The following SLC17A5 variants were observed in gnomAD, a reference collection of about 807,000 sequenced individuals.
SLC17A5 encodes the protein sialin.
In SLC17A5, 47 loss-of-function variants were observed where a neutral mutation model predicts 59.4. That is an observed-to-expected ratio of 0.79 (90% CI 0.63 to 1.01). SLC17A5 has a LOEUF of 1.01. Ranked by LOEUF, SLC17A5 falls within the 50% of genes least tolerant of loss-of-function variation. The pLI, the probability that SLC17A5 is intolerant of heterozygous loss-of-function variation, is 0.00. For missense variants in SLC17A5, 522 were observed against 595.5 expected (o/e 0.88, Z 1.28); for synonymous variants, 202 against 210.7 (o/e 0.96, Z 0.36).
intron 2 of SLC17A5, among the ~76,000 whole-genome samples, chr6:73,643,735 C>A (rs1239086718): frequency 2.6e-5 from 4 of 152,170 alleles, no homozygotes; most frequent in Admixed American, 2.0e-4. Context: ...CCTCAGCCTC[C>A]TAAAGTGCTG....
At chr6:73,626,077 G>A (rs2150103852) in intron 6 of SLC17A5, among the ~76,000 whole-genome samples, 1 of 152,290 alleles carries the variant, frequency 6.6e-6, no homozygotes, top group African/African-American at 2.4e-5. Context: ...AAGTGTAAAT[G>A]TATTTGATCT....
intron 6 of SLC17A5, among the ~76,000 whole-genome samples, chr6:73,630,804 C>T (rs72951364): frequency 0.017 from 2,641 of 152,078 alleles, 46 homozygotes; most frequent in Admixed American, 0.04. Flanking sequence ...ACAAGCACTT[C>T]GGGAGATGAA....
intron 9 of SLC17A5, among the ~76,000 whole-genome samples, 155 bp from the exon 10 acceptor site, chr6:73,600,596 C>T (rs562599333): frequency 4.6e-5 from 7 of 151,402 alleles, no homozygotes; most frequent in African/African-American, 1.7e-4. Context: ...GCAGCCTCTG[C>T]CTCCCGGGTT....
intron 1 of SLC17A5, among the ~76,000 whole-genome samples, chr6:73,650,197 C>CAAAA (rs756204732): frequency 1.5e-4 from 6 of 39,036 alleles, no homozygotes; most frequent in African/African-American, 3.1e-4. Context: ...CTTTTTTCTA[C>CAAAA]AAAAAAAAAA....
intron 9 of SLC17A5, among the ~76,000 whole-genome samples, 178 bp downstream of exon 9, chr6:73,610,222 T>C (rs1366540154): frequency 1.3e-5 from 2 of 152,098 alleles, no homozygotes; most frequent in African/African-American, 2.4e-5. Context: ...TTAGTAGAGA[T>C]AGGGCTTCGC....
intron 8 of SLC17A5, among the ~76,000 whole-genome samples, chr6:73,610,980 C>T (rs1412524660): frequency 6.6e-6 from 1 of 152,202 alleles, no homozygotes; most frequent in Non-Finnish European, 1.5e-5. Context: ...TGGCAGCTCA[C>T]ACCTGTAATC....
intron 6 of SLC17A5, among the ~76,000 whole-genome samples, chr6:73,623,633 G>A (rs952722325): frequency 1.3e-5 from 2 of 150,500 alleles, no homozygotes; most frequent in Middle Eastern, 3.6e-3. Flanking sequence ...TGCCCCCAGC[G>A]TAAGTGATTT....
At chr6:73,605,610 A>G (rs2150082507) in intron 9 of SLC17A5, among the ~76,000 whole-genome samples, 1 of 151,004 alleles carries the variant, frequency 6.6e-6, no homozygotes, top group East Asian at 2.0e-4. Context: ...TTATCCTTTG[A>G]GCTAGAACTG....
At chr6:73,624,446 G>C (rs1768307833) in intron 6 of SLC17A5, among the ~76,000 whole-genome samples, 1 of 152,092 alleles carries the variant, frequency 6.6e-6, no homozygotes, top group South Asian at 2.1e-4. Flanking sequence ...TTAAGTTATA[G>C]CAAAGAAGTT....
intron 9 of SLC17A5, among the ~76,000 whole-genome samples, chr6:73,606,215 G>T (rs1767385278): frequency 6.6e-6 from 1 of 151,762 alleles, no homozygotes; most frequent in Non-Finnish European, 1.5e-5. Flanking sequence ...GTTAATTTTT[G>T]TATTTTTAGT....
At chr6:73,609,673 A>G (rs1305217248) in intron 9 of SLC17A5, among the ~76,000 whole-genome samples, 1 of 152,258 alleles carries the variant, frequency 6.6e-6, no homozygotes, top group Non-Finnish European at 1.5e-5. Context: ...TTGGGTGAAC[A>G]GACACAGTAA....
intron 7 of SLC17A5, among the ~76,000 whole-genome samples, chr6:73,620,538 T>C (rs1768093458): frequency 6.6e-6 from 1 of 152,182 alleles, no homozygotes; most frequent in African/African-American, 2.4e-5. Flanking sequence ...TGATCTTGTT[T>C]TTCAGAAGTA....
chr6:73,605,630 A>AACACACACACACACACACAC (rs3045763), intron 9 of SLC17A5, among the ~76,000 whole-genome samples: 2 of 145,852 alleles, frequency 1.4e-5, no homozygotes, highest in African/African-American at 5.1e-5. Flanking sequence ...GCAAGGTTTA[A>AACACACACACACACACACAC]ACACACACAC....
intron 9 of SLC17A5, among the ~76,000 whole-genome samples, chr6:73,601,835 C>T (rs1187221355): frequency 2.0e-5 from 3 of 149,758 alleles, no homozygotes; most frequent in Non-Finnish European, 3.0e-5. Context: ...GCCCCCTGCC[C>T]GGCCAGCCGC....
chr6:73,595,190 CG>C lies in SLC17A5; in HGVS notation c.1374del (p.Val459CysfsTer43). ...TTAATAGCAGCAGCAATATAGAACACGGTTTGCCATTCTCCAACAGTGTTCT... is the reference window on the plus strand; with the variant it reads ...TTAATAGCAGCAGCAATATAGAACACGTTTGCCATTCTCCAACAGTGTTCT... Reference protein sequence around the residue: ...TPDNTVGEWQTVFYIAAAINV... With the variant: ...TPDNTVGEWQXVFYIAAAINV... On this transcript the variant is annotated frameshift_variant, in exon 11 of 11. Transcript: ENST00000355773. LOFTEE classifies it high-confidence loss of function. 6.2e-7 allele frequency: 1 copy of C among 1,614,048 alleles called. No homozygotes were observed. Among genetic ancestry groups the C allele is most frequent in the Non-Finnish European group, 8.5e-7 (1 of 1,180,002 alleles).
chr6:73,629,312 C>T lies in SLC17A5; in HGVS notation c.819+6070G>A, dbSNP rs140274078. Among the ~76,000 whole-genome samples, 1,490 of 152,180 alleles carry T rather than the reference C, an allele frequency of 9.8e-3. 25 individuals carry two copies. The highest frequency in any genetic ancestry group is 0.034 in the African/African-American group (1,392 of 41,530). On this transcript the variant is annotated intron_variant, in intron 6 of 10. Transcript: ENST00000355773. ...CTGAGGTGGGAGGATGGCTTGAACC[C>T]GGGAGGCAGAGGGAGGCTGCAGTGA... is the stretch of plus-strand genomic sequence containing the variant.
At chr6:73,649,797 A>G (rs1329637323) in intron 1 of SLC17A5, among the ~76,000 whole-genome samples, 1 of 151,804 alleles carries the variant, frequency 6.6e-6, no homozygotes, top group Non-Finnish European at 1.5e-5. Context: ...ATTTCTTAGG[A>G]ATTGAGGTTA....
At chr6:73,600,203 C>A (rs1049203220) in intron 10 of SLC17A5, 148 bp downstream of exon 10, 1 of 686,558 alleles carries the variant, frequency 1.5e-6, no homozygotes, top group Admixed American at 2.4e-5. Context: ...AATATACTTT[C>A]CCATCCATTA....
intron 6 of SLC17A5, among the ~76,000 whole-genome samples, chr6:73,624,762 A>T (rs1768326843): frequency 6.6e-6 from 1 of 152,028 alleles, no homozygotes. Context: ...AGTCCCAGCT[A>T]CTTGGGAGGC....
Sources: gnomAD v4.1 joint callset for allele counts (sites outside exome capture counted in the v4.1 genomes callset) on GRCh38, gnomAD v4.1.1 for gene constraint, MANE v1.5 for transcripts, NCBI Gene and HGNC (gene_info 2026-07-23, HGNC 2026-07-21) for gene names.